Variants in KNTC1 observed in about 807,000 individuals in gnomAD.
KNTC1 encodes kinetochore-associated protein 1.
In KNTC1, 253 loss-of-function variants were observed where a neutral mutation model predicts 314.4. The ratio of observed to expected loss-of-function variants is 0.80; its 90% CI spans 0.73 to 0.89. The LOEUF (loss-of-function observed/expected upper bound fraction) is 0.89, where lower values mean the gene tolerates loss of function less well. KNTC1 is among the 40% of genes least tolerant of loss of function. KNTC1 has a pLI of 0.00. For synonymous variants in KNTC1, 901 were observed against 901.4 expected, an observed-to-expected ratio of 1.00 and a Z score of 0.01; for missense variants, 2,475 against 2,572.9, an observed-to-expected ratio of 0.96 and a Z score of 0.82.
chr12:122,588,630 C>A (rs1565991084), intron 39 of KNTC1, 82 bp from the exon 40 acceptor site: 2 of 1,004,830 alleles, frequency 2.0e-6, no homozygotes, highest in East Asian at 3.0e-5. Flanking sequence ...TGAATTTTCA[C>A]CAAAGTTCCT....
rs759894811 is a variant in KNTC1 at position 122,604,633 on chromosome 12, C to A, written c.5171C>A (p.Ser1724Ter). Residue 1724 changes from serine (S) to a stop codon, truncating the protein, a stop_gained, in exon 49 of 64, where the codon TCG becomes TAG. Coordinates refer to ENST00000333479, the MANE Select transcript of KNTC1 (RefSeq NM_014708.6). LOFTEE classifies it high-confidence loss of function. ...GAGAGATGGCTACAGAATATCCCAT[C>A]GCAGGTGTGTCTGAACTATCAGATT... ...LAERWLQNIP[S>*]QDEKREKAEA... 2 of 1,592,638 alleles carry A rather than the reference C, an allele frequency of 1.3e-6. No individual in the cohort carries two copies. Among genetic ancestry groups the A allele is most frequent in the Non-Finnish European group, 1.7e-6 (2 of 1,161,076 alleles).
Position 122,597,903 on chromosome 12 carries a change from G to A in KNTC1, c.4528G>A (p.Asp1510Asn), listed in dbSNP as rs900562877. Reference sequence around the variant, plus strand: ...GGTTCCTTTACTGACGAGCACAAAAGATTTGGTCATCAGTCTTAGTGGAAT... The same window carrying A: ...GGTTCCTTTACTGACGAGCACAAAAAATTTGGTCATCAGTCTTAGTGGAAT... ...EMVPLLTSTK[D>N]LVISLSGILH... The change falls in exon 44 of 64, where the codon GAT becomes AAT. Residue 1510 changes from aspartate to asparagine, a missense_variant. Physicochemically the swap from Asp to Asn is conservative, Grantham distance 23 (BLOSUM62 1). Coordinates refer to ENST00000333479, the MANE Select transcript of KNTC1 (RefSeq NM_014708.6). 1.2e-6 allele frequency: 2 copies of A among 1,613,926 alleles called. No homozygotes were observed. The highest frequency in any genetic ancestry group is 1.6e-4 in the Middle Eastern group (1 of 6,084).
chr12:122,586,289 C>T (rs1361695734), intron 37 of KNTC1, among the ~76,000 whole-genome samples: 2 of 152,074 alleles, frequency 1.3e-5, no homozygotes, highest in Admixed American at 1.3e-4. Flanking sequence ...ACCATGTTGG[C>T]CAGGCTGGTC....
chr12:122,589,776 A>ATTTTTTTTTTTT (rs375169727), intron 40 of KNTC1, among the ~76,000 whole-genome samples: 2 of 94,594 alleles, frequency 2.1e-5, no homozygotes, highest in African/African-American at 4.3e-5. Flanking sequence ...GGGCCCCCCA[A>ATTTTTTTTTTTT]TTTTTTTTTT....
rs1023262364 is a variant in KNTC1, at chr12:122,591,460, A to G, written c.4245+7A>G. The G allele has an allele frequency of 2.2e-6, 3 of 1,370,728 alleles. No individual in the cohort carries two copies. The highest frequency in any genetic ancestry group is 3.1e-6 in the Non-Finnish European group (3 of 962,122). The allele number at this position is 1,370,728 out of a possible 1,614,324, so 84.9% of individuals were successfully genotyped here. On this transcript the variant is annotated splice_region_variant and intron_variant, in intron 42 of 63. Coordinates refer to ENST00000333479, the MANE Select transcript of KNTC1 (RefSeq NM_014708.6). ...TCGTCTTGGTAAACTTGGTGTGAGT[A>G]TTCTTTGTACTGCTGTCATCGATTC...
Position 122,591,452 on chromosome 12 carries a change from G to A in KNTC1, c.4244G>A (p.Gly1415Asp), listed in dbSNP as rs1870192956. 1.4e-6 allele frequency: 2 copies of A among 1,474,176 alleles called. No homozygotes were observed. Among genetic ancestry groups the A allele is most frequent in the Middle Eastern group, 3.4e-4 (2 of 5,800 alleles). 91.3% of individuals were successfully genotyped at this position (1,474,176 alleles called of 1,614,324 possible). ...AQWGIRLGKL[G>D]ISFQPVFRQH... ...TGGGGCATTCGTCTTGGTAAACTTG[G>A]TGTGAGTATTCTTTGTACTGCTGTC... Residue 1415 changes from glycine (G) to aspartate (D), a missense_variant and splice_region_variant, in exon 42 of 64, where the codon GGT (glycine) becomes GAT (aspartate). By Grantham distance (94) the Gly-to-Asp change is moderately conservative (BLOSUM62 -1). Transcript: ENST00000333479.
intron 20 of KNTC1, among the ~76,000 whole-genome samples, chr12:122,567,768 A>G (rs1964443267): frequency 6.6e-6 from 1 of 152,056 alleles, no homozygotes; most frequent in Non-Finnish European, 1.5e-5. Context: ...AACTCAGGAG[A>G]CAAAGGTTGC....
At chr12:122,554,855 G>T (rs1963470045) in intron 16 of KNTC1, among the ~76,000 whole-genome samples, 1 of 152,278 alleles carries the variant, frequency 6.6e-6, no homozygotes, top group Non-Finnish European at 1.5e-5. Flanking sequence ...ACTTTTAGTA[G>T]ACTTAGAAAA....
intron 33 of KNTC1, among the ~76,000 whole-genome samples, chr12:122,581,438 A>T (rs1370399518): frequency 6.6e-6 from 1 of 151,746 alleles, no homozygotes; most frequent in Non-Finnish European, 1.5e-5. Context: ...ACCTCAGGTG[A>T]TCCGCCCACC....
intron 45 of KNTC1, chr12:122,601,834 T>A: frequency 9.0e-6 from 4 of 446,804 alleles, no homozygotes; most frequent in Non-Finnish European, 1.4e-5. Context: ...TCTTCATCCT[T>A]TTTTTGCTGT....
chr12:122,602,292 T>C (rs1252786792), intron 45 of KNTC1: 2 of 248,596 alleles, frequency 8.0e-6, no homozygotes, highest in Non-Finnish European at 1.5e-5. Flanking sequence ...TCTCAAATTA[T>C]TTGAAGAGCA....
At chr12:122,562,507 TG>T (rs1964044441) in intron 19 of KNTC1, 130 bp from the exon 20 acceptor site, 1 of 622,408 alleles carries the variant, frequency 1.6e-6, no homozygotes, top group Admixed American at 2.4e-5. Context: ...GGCAGTCCTA[TG>T]GGAATTGAGT....
intron 40 of KNTC1, among the ~76,000 whole-genome samples, chr12:122,590,328 T>C (rs1474683670): frequency 1.3e-5 from 2 of 152,154 alleles, no homozygotes; most frequent in African/African-American, 2.4e-5. Flanking sequence ...TTGCTTTCCT[T>C]ACTCTTCAGA....
intron 57 of KNTC1, chr12:122,617,494 G>T: frequency 2.6e-6 from 1 of 382,120 alleles, no homozygotes; most frequent in Non-Finnish European, 5.3e-6. Flanking sequence ...AAAGTACTGG[G>T]ATTACAGGTG....
At chr12:122,557,963 A>G (rs1963713757) in intron 18 of KNTC1, among the ~76,000 whole-genome samples, 1 of 152,214 alleles carries the variant, frequency 6.6e-6, no homozygotes, top group South Asian at 2.1e-4. Flanking sequence ...AAGAACCTCT[A>G]TCCCAGACCG....
In KNTC1 at chr12:122,584,388, G is replaced by A. The variant is rs751235512; in HGVS notation, c.3374G>A (p.Gly1125Glu). 1 of 1,613,554 alleles carries A rather than the reference G, an allele frequency of 6.2e-7. No individual in the cohort carries two copies. Among genetic ancestry groups the A allele is most frequent in the Non-Finnish European group, 8.5e-7 (1 of 1,179,636 alleles). ...ADNVPVTVPV[G>E]LNLPSMIHDL... is the part of the protein sequence containing the mutation. Reference sequence around the variant, plus strand: ...AATGTCCCAGTGACAGTGCCTGTGGGACTGAATCTTCCTTCCATGATACAT... The same window carrying A: ...AATGTCCCAGTGACAGTGCCTGTGGAACTGAATCTTCCTTCCATGATACAT... Residue 1125 changes from glycine (G) to glutamate (E), a missense_variant, in exon 35 of 64, where the codon GGA becomes GAA. Gly to Glu is a moderately conservative substitution (Grantham distance 98). Transcript: ENST00000333479.
Position 122,597,900 on chromosome 12 carries a change from A to G in KNTC1, c.4525A>G (p.Lys1509Glu). The change falls in exon 44 of 64, where the codon AAA becomes GAA. Residue 1509 changes from lysine to glutamate, a missense_variant. Transcript: ENST00000333479. ...LEMVPLLTST[K>E]DLVISLSGIL... ...GATGGTTCCTTTACTGACGAGCACA[A>G]AAGATTTGGTCATCAGTCTTAGTGG... The G allele has an allele frequency of 6.2e-7, 1 of 1,614,054 alleles. No homozygotes were observed.
At chr12:122,542,967 CAG>C (rs2137719097) in intron 6 of KNTC1, among the ~76,000 whole-genome samples, 1 of 152,054 alleles carries the variant, frequency 6.6e-6, no homozygotes, top group African/African-American at 2.4e-5. Context: ...GGCTGGAGTA[CAG>C]TGGTATGATA....
intron 16 of KNTC1, among the ~76,000 whole-genome samples, chr12:122,555,637 C>A (rs1357428544): frequency 2.0e-5 from 3 of 152,088 alleles, no homozygotes; most frequent in African/African-American, 7.2e-5. Context: ...ATCACAAGGT[C>A]AGGAGATCGA....
Sources: gnomAD v4.1 joint callset for allele counts (sites outside exome capture counted in the v4.1 genomes callset) on GRCh38, gnomAD v4.1.1 for gene constraint, MANE v1.5 for transcripts, NCBI Gene and HGNC (gene_info 2026-07-23, HGNC 2026-07-21) for gene names.